The following FNIP1 variants were observed in gnomAD, a reference collection of about 807,000 sequenced individuals.
FNIP1 encodes folliculin interacting protein 1, also known as folliculin-interacting protein 1.
A neutral mutation model predicts 124.5 loss-of-function variants in FNIP1; 40 were observed. The observed-to-expected ratio is 0.32, with a 90% CI of 0.25 to 0.42. The LOEUF is 0.42. Ranked by LOEUF, FNIP1 falls within the 10% of genes least tolerant of loss-of-function variation. FNIP1 has a pLI of 1.00. For synonymous variants in FNIP1, 472 were observed against 470.6 expected (o/e 1.00, Z -0.04); for missense variants, 1,176 against 1,403.7 (o/e 0.84, Z 2.59).
chr5:131,778,129 C>A (rs1441459389), intron 1 of FNIP1, among the ~76,000 whole-genome samples: 1 of 151,996 alleles, frequency 6.6e-6, no homozygotes, highest in Non-Finnish European at 1.5e-5. Flanking sequence ...GGGGCCCAGG[C>A]TGCAGGACTG....
intron 1 of FNIP1, among the ~76,000 whole-genome samples, chr5:131,750,957 G>A (rs1770854913): frequency 6.6e-6 from 1 of 152,058 alleles, no homozygotes; most frequent in Non-Finnish European, 1.5e-5. Context: ...ATGAAAAGTT[G>A]GGCTTCACTG....
intron 11 of FNIP1, among the ~76,000 whole-genome samples, chr5:131,691,183 A>G (rs1768469028): frequency 6.6e-6 from 1 of 152,224 alleles, no homozygotes; most frequent in East Asian, 1.9e-4. Context: ...ACTAGAAATC[A>G]GTAAGAAAAA....
chr5:131,671,479 A>G (rs989672048), intron 14 of FNIP1, 26 bp downstream of exon 14: 72 of 1,559,740 alleles, frequency 4.6e-5, no homozygotes, highest in Non-Finnish European at 6.3e-5. Flanking sequence ...TATAGGGCCC[A>G]TTATAGGTGA....
intron 16 of FNIP1, 86 bp downstream of exon 16, chr5:131,651,716 T>A (rs1767044982): frequency 7.9e-7 from 1 of 1,267,684 alleles, no homozygotes; most frequent in Non-Finnish European, 1.1e-6. Flanking sequence ...AAACATTCAG[T>A]CCCTAACAGC....
chr5:131,647,213 T>C lies in FNIP1; in HGVS notation c.3307-8A>G. ...TTCAAGATGCATTACACACTGCAGT[T>C]AGGGAGGAACCAAGAACCAGGTCAG... On this transcript the variant is annotated splice_polypyrimidine_tract_variant and splice_region_variant and intron_variant, in intron 16 of 17. Transcript: ENST00000510461. The C allele has an allele frequency of 6.3e-7, 1 of 1,588,050 alleles. No homozygotes were observed. The highest frequency in any genetic ancestry group is 2.2e-5 in the East Asian group (1 of 44,722).
In FNIP1 at chr5:131,772,248, G is replaced by C. The variant is rs548405621; in HGVS notation, c.92+24582C>G. Among the ~76,000 whole-genome samples, 45 of 152,162 alleles carry C rather than the reference G, an allele frequency of 3.0e-4. 1 individual carries two copies. In the South Asian group the frequency reaches 8.5e-3, roughly 29 times the overall value. ...TCAGTTCTTGCCAGGGGCTCGATGTGGGGGAGAAGAGAATCACTAAAAGGT... is the reference window on the plus strand; with the variant it reads ...TCAGTTCTTGCCAGGGGCTCGATGTCGGGGAGAAGAGAATCACTAAAAGGT... On this transcript the variant is annotated intron_variant, in intron 1 of 17. Transcript: ENST00000510461.
chr5:131,712,037 T>C (rs902295005), intron 6 of FNIP1, among the ~76,000 whole-genome samples: 1 of 152,198 alleles, frequency 6.6e-6, no homozygotes, highest in East Asian at 1.9e-4. Context: ...ATACACACAG[T>C]AGAATTAACC....
intron 11 of FNIP1, among the ~76,000 whole-genome samples, chr5:131,693,021 T>A (rs191345128): frequency 0.014 from 1,996 of 145,004 alleles, 24 homozygotes; most frequent in African/African-American, 0.031. Context: ...AAAATAAATT[T>A]AAAAAAAAAA....
In FNIP1 at chr5:131,643,883, A is replaced by G. The variant is rs1222924304; in HGVS notation, c.*802T>C. On this transcript the variant is annotated 3_prime_UTR_variant, in exon 18 of 18. Transcript: ENST00000510461. ...ATATGTAAATATTAATATTTATAAGAACAGTTCATACTTATAAACAAATGG... is the reference window on the plus strand; with the variant it reads ...ATATGTAAATATTAATATTTATAAGGACAGTTCATACTTATAAACAAATGG... The G allele has an allele frequency of 1.3e-5, 2 of 152,564 alleles. No homozygotes were observed. The highest frequency in any genetic ancestry group is 2.9e-5 in the Non-Finnish European group (2 of 68,010). 9.5% of individuals were successfully genotyped at this position (152,564 alleles called of 1,614,324 possible). A position where few individuals can be genotyped will look rare whatever the true frequency, so the allele number is the denominator to read the frequency against.
chr5:131,723,140 G>A (rs1769732150), intron 3 of FNIP1, among the ~76,000 whole-genome samples: 1 of 152,104 alleles, frequency 6.6e-6, no homozygotes, highest in Non-Finnish European at 1.5e-5. Flanking sequence ...AAAAGGAGCA[G>A]AAAATTTTTT....
chr5:131,719,666 T>C (rs1561672612), intron 3 of FNIP1, among the ~76,000 whole-genome samples: 1 of 152,228 alleles, frequency 6.6e-6, no homozygotes, highest in African/African-American at 2.4e-5. Context: ...ATGAAAATAC[T>C]ACAGTTTGTC....
chr5:131,755,202 C>G (rs952497959), intron 1 of FNIP1, among the ~76,000 whole-genome samples: 23 of 152,092 alleles, frequency 1.5e-4, no homozygotes, highest in Admixed American at 1.4e-3. Flanking sequence ...GGGTGGATCT[C>G]CTGAGATGAG....
In FNIP1 at chr5:131,788,079, T is replaced by A. The variant is rs142956691; in HGVS notation, c.92+8751A>T. On this transcript the variant is annotated intron_variant, in intron 1 of 17. Transcript: ENST00000510461. Reference sequence around the variant, plus strand: ...TTTCAAGAAAGGCATCAACGGTTTGTATAAGGTGATGACAGTGGAAAATGA... The same window carrying A: ...TTTCAAGAAAGGCATCAACGGTTTGAATAAGGTGATGACAGTGGAAAATGA... Among the ~76,000 whole-genome samples the A allele has an allele frequency of 8.3e-4, 127 of 152,230 alleles. No homozygotes were observed. The East Asian group carries it at 8.9e-3, about 11-fold the overall frequency.
At chr5:131,651,539 G>A (rs114650786) in intron 16 of FNIP1, among the ~76,000 whole-genome samples, 25 of 152,262 alleles carry the variant, frequency 1.6e-4, no homozygotes, top group African/African-American at 6.0e-4. Context: ...CTCACATGGT[G>A]GAGACAGAAC....
chr5:131,644,375 T>C lies in FNIP1; in HGVS notation c.*310A>G. ...ATGAGCTGTGACAACACTGCAGTGA[T>C]CACATGAAACTCTTGATAATATTCA... On this transcript the variant is annotated 3_prime_UTR_variant, in exon 18 of 18. Coordinates refer to ENST00000510461, the MANE Select transcript of FNIP1 (RefSeq NM_133372.3). 1 of 225,510 alleles carries C rather than the reference T, an allele frequency of 4.4e-6. No individual in the cohort carries two copies. Among genetic ancestry groups the C allele is most frequent in the Non-Finnish European group, 8.8e-6 (1 of 113,624 alleles). 14.0% of individuals were successfully genotyped at this position (225,510 alleles called of 1,614,324 possible).
chr5:131,764,703 T>C (rs763727067), intron 1 of FNIP1, among the ~76,000 whole-genome samples: 4 of 152,084 alleles, frequency 2.6e-5, no homozygotes, highest in Non-Finnish European at 5.9e-5. Flanking sequence ...GAAAAGAACA[T>C]CTATACGCAT....
chr5:131,702,728 A>G (rs1219448004), intron 10 of FNIP1, among the ~76,000 whole-genome samples: 1 of 152,176 alleles, frequency 6.6e-6, no homozygotes, highest in African/African-American at 2.4e-5. Context: ...TTTACTATAC[A>G]TATTTGTATC....
intron 1 of FNIP1, 105 bp downstream of exon 1, chr5:131,796,725 G>C: frequency 9.3e-7 from 1 of 1,072,246 alleles, no homozygotes; most frequent in Non-Finnish European, 1.3e-6. Flanking sequence ...GCTGCTCTCG[G>C]CGCGGCGCTT....
chr5:131,703,815 G>T (rs971090384), intron 10 of FNIP1, among the ~76,000 whole-genome samples: 1 of 151,900 alleles, frequency 6.6e-6, no homozygotes, highest in African/African-American at 2.4e-5. Flanking sequence ...CTCTTTAGTT[G>T]GTAGAACGGT....
Sources: gnomAD v4.1 joint callset for allele counts (sites outside exome capture counted in the v4.1 genomes callset) on GRCh38, gnomAD v4.1.1 for gene constraint, MANE v1.5 for transcripts, NCBI Gene and HGNC (gene_info 2026-07-23, HGNC 2026-07-21) for gene names.